SRGAP3: variants seen among roughly 807,000 people sequenced by gnomAD.
The protein encoded by SRGAP3 is SLIT-ROBO Rho GTPase-activating protein 3.
In SRGAP3, 39 loss-of-function variants were observed where a neutral mutation model predicts 121.1. The ratio of observed to expected loss-of-function variants is 0.32; its 90% CI spans 0.25 to 0.42. SRGAP3 has a LOEUF of 0.42. Ranked by LOEUF, SRGAP3 falls within the 10% of genes least tolerant of loss-of-function variation. SRGAP3 has a pLI of 1.00. For synonymous variants in SRGAP3, 601 were observed against 570.0 expected (o/e 1.05, Z -0.77); for missense variants, 1,213 against 1,470.6 (o/e 0.82, Z 2.86).
chr3:9,247,136 C>A (rs931927826), intron 1 of SRGAP3, among the ~76,000 whole-genome samples: 1 of 152,126 alleles, frequency 6.6e-6, no homozygotes, highest in Non-Finnish European at 1.5e-5. Flanking sequence ...ATTTTCATGG[C>A]AACCTTAATT....
chr3:9,133,837 C>A (rs994700646), intron 1 of SRGAP3, among the ~76,000 whole-genome samples: 4 of 152,160 alleles, frequency 2.6e-5, no homozygotes, highest in African/African-American at 9.7e-5. Flanking sequence ...AGCAGACATG[C>A]TGGGATTTGC....
intron 12 of SRGAP3, among the ~76,000 whole-genome samples, chr3:9,031,536 T>C (rs886076802): frequency 6.6e-6 from 1 of 152,120 alleles, no homozygotes; most frequent in Admixed American, 6.5e-5. Flanking sequence ...CACTTGCCCT[T>C]TTCCCCACTC....
intron 21 of SRGAP3, among the ~76,000 whole-genome samples, chr3:8,986,394 T>C (rs989375818): frequency 5.9e-5 from 9 of 152,148 alleles, no homozygotes; most frequent in Non-Finnish European, 1.0e-4. Context: ...CACTCAAAAA[T>C]ACGAATGACA....
chr3:9,246,174 T>C (rs1392262520), intron 1 of SRGAP3, among the ~76,000 whole-genome samples: 2 of 152,144 alleles, frequency 1.3e-5, no homozygotes, highest in Non-Finnish European at 2.9e-5. Flanking sequence ...GAAAAAGACA[T>C]AAAAGGGAAC....
rs529915439 is a variant in SRGAP3 at position 9,343,719 on chromosome 3, A to G, written n.215-13123T>C. On this transcript the variant is annotated intron_variant and non_coding_transcript_variant, in intron 1 of 3. Transcript: ENST00000490889. ...AGGGTCTTTCTCTGTCACCCAGGCT[A>G]GAGTGCAGACACACAATAATGGCTC... Among the ~76,000 whole-genome samples the G allele has an allele frequency of 7.9e-5, 12 of 152,292 alleles. No homozygotes were observed. The East Asian group carries it at 1.7e-3, about 22-fold the overall frequency.
intron 1 of SRGAP3, among the ~76,000 whole-genome samples, chr3:9,202,692 G>C (rs771417815): frequency 6.6e-6 from 1 of 152,152 alleles, no homozygotes; most frequent in Non-Finnish European, 1.5e-5. Flanking sequence ...GGGAACCCCT[G>C]AGCTGATGCT....
rs555963977 is a variant in SRGAP3, at chr3:9,240,431, G to A, written c.67+8454C>T. On this transcript the variant is annotated intron_variant, in intron 1 of 21. Transcript: ENST00000383836. Reference sequence around the variant, plus strand: ...GAAGGAAAGGACTCAATTTCAGGAGGCAGCCCAAACTCACCCCCTCCTGAC... The same window carrying A: ...GAAGGAAAGGACTCAATTTCAGGAGACAGCCCAAACTCACCCCCTCCTGAC... Among the ~76,000 whole-genome samples the A allele has an allele frequency of 3.3e-5, 5 of 152,092 alleles. No individual in the cohort carries two copies. In the South Asian group the frequency reaches 6.3e-4, roughly 19 times the overall value.
At chr3:9,288,528 G>A (rs868110409) in intron 3 of SRGAP3, among the ~76,000 whole-genome samples, 2 of 150,678 alleles carry the variant, frequency 1.3e-5, no homozygotes, top group African/African-American at 4.9e-5. Context: ...AATTAACTGT[G>A]GAATCTATAA....
At chr3:9,299,845 C>T (rs1030015662) in intron 3 of SRGAP3, among the ~76,000 whole-genome samples, 3 of 152,052 alleles carry the variant, frequency 2.0e-5, no homozygotes, top group African/African-American at 4.8e-5. Context: ...GCGGAGGTTG[C>T]GGTGAGCCAA....
At chr3:9,004,248 C>G (rs13318908) in intron 18 of SRGAP3, among the ~76,000 whole-genome samples, 9,637 of 152,112 alleles carry the variant, frequency 0.063, 1,001 homozygotes, top group African/African-American at 0.22. Flanking sequence ...CTGGCAACTA[C>G]AAATCATTGT....
Position 9,237,228 on chromosome 3 carries a change from T to C in SRGAP3, c.67+11657A>G, listed in dbSNP as rs960245800. ...ATTCGTTCAACAAAAATTGTGACCA[T>C]TGGCACCTAGAACACCCATTGCCCC... On this transcript the variant is annotated intron_variant, in intron 1 of 21. Transcript: ENST00000383836. Among the ~76,000 whole-genome samples the C allele has an allele frequency of 8.5e-5, 13 of 152,214 alleles. 1 individual carries two copies. Among genetic ancestry groups the C allele is most frequent in the Admixed American group, 8.5e-4 (13 of 15,288 alleles).
At chr3:9,285,196 C>A (rs912407023) in intron 3 of SRGAP3, among the ~76,000 whole-genome samples, 5 of 152,184 alleles carry the variant, frequency 3.3e-5, no homozygotes, top group African/African-American at 9.7e-5. Flanking sequence ...CCTATGTGGG[C>A]AGACCATCCT....
At chr3:9,197,886 T>C (rs984347178) in intron 1 of SRGAP3, among the ~76,000 whole-genome samples, 3 of 152,270 alleles carry the variant, frequency 2.0e-5, no homozygotes, top group African/African-American at 4.8e-5. Context: ...CAAGAGGGAA[T>C]AGAATATGAG....
Position 9,042,093 on chromosome 3 carries a change from A to T in SRGAP3, c.1409-4003T>A, listed in dbSNP as rs1476392130. 3.4e-5 allele frequency among the ~76,000 whole-genome samples: 5 copies of T among 145,516 alleles called. No individual in the cohort carries two copies. In the East Asian group the frequency reaches 9.9e-4, roughly 29 times the overall value. Reference sequence around the variant, plus strand: ...TCCAGCCTGGGACCCCCAGAGCTAGACGCCATCTCAAAAAAAAAAAAAAAA... The same window carrying T: ...TCCAGCCTGGGACCCCCAGAGCTAGTCGCCATCTCAAAAAAAAAAAAAAAA... On this transcript the variant is annotated intron_variant, in intron 10 of 21. Transcript: ENST00000383836.
intron 3 of SRGAP3, among the ~76,000 whole-genome samples, chr3:9,080,980 T>C (rs1439380326): frequency 1.3e-5 from 2 of 152,152 alleles, no homozygotes; most frequent in Non-Finnish European, 2.9e-5. Flanking sequence ...TGTGCTTCAA[T>C]CATCCCGAAA....
At chr3:9,135,261 C>T (rs897641233) in intron 1 of SRGAP3, among the ~76,000 whole-genome samples, 8 of 152,216 alleles carry the variant, frequency 5.3e-5, no homozygotes, top group Non-Finnish European at 8.8e-5. Context: ...TAACTTCTTT[C>T]TGTGGCCATT....
At chr3:9,018,019 C>G (rs777586522) in intron 14 of SRGAP3, among the ~76,000 whole-genome samples, 27 of 152,184 alleles carry the variant, frequency 1.8e-4, no homozygotes, top group Non-Finnish European at 3.1e-4. Context: ...TCCCACTCAC[C>G]CTTCCTTCTG....
rs367651214 is a variant in SRGAP3, at chr3:9,132,864, A to T, written c.68-7947T>A. On this transcript the variant is annotated intron_variant, in intron 1 of 21. Transcript: ENST00000383836. ...GAAATATAGGGTTTTTTTTAATATT[A>T]CATACACAACTGAAAAGGTAGAAAG... Among the ~76,000 whole-genome samples, 278 of 151,830 alleles carry T rather than the reference A, an allele frequency of 1.8e-3. 1 individual carries two copies. Among genetic ancestry groups the T allele is most frequent in the African/African-American group, 6.5e-3 (268 of 41,498 alleles).
At chr3:9,067,146 A>G (rs1946469521) in intron 4 of SRGAP3, among the ~76,000 whole-genome samples, 1 of 152,150 alleles carries the variant, frequency 6.6e-6, no homozygotes, top group African/African-American at 2.4e-5. Flanking sequence ...CACCACCACC[A>G]CCACCATCAT....
Sources: allele counts gnomAD v4.1 joint callset (sites outside exome capture counted in the v4.1 genomes callset), GRCh38; gene constraint gnomAD v4.1.1; transcripts MANE v1.5; gene names NCBI Gene and HGNC (gene_info 2026-07-23, HGNC 2026-07-21).